Variants in CTNNA2 observed in about 807,000 individuals in gnomAD.
CTNNA2 encodes catenin alpha 2.
CTNNA2 carries 42 observed loss-of-function variants against 101.0 expected under a neutral mutation model. The ratio of observed to expected loss-of-function variants is 0.42; its 90% confidence interval spans 0.32 to 0.54. The LOEUF (loss-of-function observed/expected upper bound fraction) is 0.54. Among genes scored for constraint, CTNNA2 ranks in the 20% least tolerant of loss-of-function variants. CTNNA2 has a pLI of 0.14. For synonymous variants in CTNNA2, 450 were observed against 456.4 expected (o/e 0.99, Z 0.18); for missense variants, 871 against 1,223.1 (o/e 0.71, Z 4.29).
intron 4 of CTNNA2, among the ~76,000 whole-genome samples, chr2:79,443,579 C>T (rs1359943521): frequency 6.6e-6 from 1 of 152,026 alleles, no homozygotes; most frequent in Non-Finnish European, 1.5e-5. Flanking sequence ...GTCAAGTTGA[C>T]ACATGGAATT....
At chr2:79,586,082 G>C (rs959674040) in intron 1 of CTNNA2, among the ~76,000 whole-genome samples, 1 of 152,122 alleles carries the variant, frequency 6.6e-6, no homozygotes, top group Non-Finnish European at 1.5e-5. Context: ...CCCATGGAGG[G>C]AAATGGAACC....
chr2:80,262,011 GA>G (rs1394991602), intron 7 of CTNNA2, among the ~76,000 whole-genome samples: 1 of 152,046 alleles, frequency 6.6e-6, no homozygotes, highest in Non-Finnish European at 1.5e-5. Context: ...AGTGCAATAA[GA>G]AGTTAAATTT....
At position 79,393,898 on chromosome 2, in the gene CTNNA2, G is replaced by A. The variant is rs75000605; in HGVS notation, c.-135+19885G>A. On this transcript the variant is annotated intron_variant, in intron 4 of 21. Transcript: ENST00000466387. The stretch of plus-strand genomic sequence containing the variant: ...TGCAGGGCTGCCTAGACTCTCAGGC[G>A]CCACCTTCCCTGCTCAGGGTCATTT... 5.4e-3 allele frequency among the ~76,000 whole-genome samples: 818 copies of A among 152,154 alleles called. 3 individuals are homozygous for A. Among genetic ancestry groups the A allele is most frequent in the Non-Finnish European group, 8.8e-3 (597 of 67,998 alleles).
chr2:79,764,318 A>AT (rs1672992204), intron 3 of CTNNA2, among the ~76,000 whole-genome samples: 1 of 152,222 alleles, frequency 6.6e-6, no homozygotes, highest in Non-Finnish European at 1.5e-5. Flanking sequence ...TTTTAGCTGT[A>AT]TATTTCCTGT....
chr2:80,558,733 T>TG (rs371822484), intron 12 of CTNNA2, among the ~76,000 whole-genome samples: 107 of 151,962 alleles, frequency 7.0e-4, no homozygotes, highest in African/African-American at 1.4e-3. Context: ...AGGGTGGTAG[T>TG]GGGAAAAAAG....
At chr2:79,210,989 C>T (rs148733405) in intron 2 of CTNNA2, among the ~76,000 whole-genome samples, 7 of 152,254 alleles carry the variant, frequency 4.6e-5, no homozygotes, top group African/African-American at 1.7e-4. Context: ...CCCACAAACA[C>T]TAGAGGCTCT....
chr2:79,218,352 T>TGTGTGTG (rs1491322056), intron 2 of CTNNA2, among the ~76,000 whole-genome samples: 24 of 82,610 alleles, frequency 2.9e-4, no homozygotes, highest in Middle Eastern at 0.013. Flanking sequence ...TGTGTGTGTA[T>TGTGTGTG]TTTTTTTTTT....
chr2:80,220,591 C>T (rs2149053351), intron 7 of CTNNA2, among the ~76,000 whole-genome samples: 1 of 152,162 alleles, frequency 6.6e-6, no homozygotes, highest in East Asian at 1.9e-4. Flanking sequence ...AGAAAAGATT[C>T]CTTCTTTGGG....
chr2:79,417,123 G>A (rs1678493165), intron 4 of CTNNA2, among the ~76,000 whole-genome samples: 1 of 151,916 alleles, frequency 6.6e-6, no homozygotes, highest in African/African-American at 2.4e-5. Context: ...TGAGTGTATT[G>A]GACAGCACAA....
At chr2:79,602,512 C>T (rs910510747) in intron 1 of CTNNA2, among the ~76,000 whole-genome samples, 2 of 152,040 alleles carry the variant, frequency 1.3e-5, no homozygotes, top group Non-Finnish European at 2.9e-5. Flanking sequence ...ATATTCTGCA[C>T]ATGATAGTGA....
chr2:80,296,697 G>T (rs1675777208), intron 7 of CTNNA2, among the ~76,000 whole-genome samples: 1 of 152,158 alleles, frequency 6.6e-6, no homozygotes, highest in East Asian at 1.9e-4. Context: ...GTGGAGCAGG[G>T]TTTTTCAACT....
intron 7 of CTNNA2, among the ~76,000 whole-genome samples, chr2:80,101,745 G>A (rs1043426178): frequency 1.3e-5 from 2 of 152,164 alleles, no homozygotes; most frequent in Admixed American, 1.3e-4. Flanking sequence ...TGTGATCAGT[G>A]TGTATTTAAG....
At chr2:80,241,533 A>C (rs535322883) in intron 7 of CTNNA2, among the ~76,000 whole-genome samples, 3 of 152,112 alleles carry the variant, frequency 2.0e-5, no homozygotes, top group South Asian at 4.2e-4. Flanking sequence ...TGTATATAAA[A>C]TGCCATATAT....
At chr2:79,474,494 G>T (rs1286989273) in intron 4 of CTNNA2, among the ~76,000 whole-genome samples, 2 of 152,042 alleles carry the variant, frequency 1.3e-5, no homozygotes, top group Admixed American at 6.5e-5. Flanking sequence ...GAGTTAAAAA[G>T]GAAGCCTTGA....
At position 79,874,342 on chromosome 2, in the gene CTNNA2, C is replaced by T. The variant is rs764902612; in HGVS notation, c.852C>T (p.Asp284=). ...GELAAALNEF[D]NKIILDPMTF... is the part of the protein sequence containing the mutation. ...TGGCTGCGGCTCTTAATGAGTTTGA[C>T]GTAAGCATCCTGGTGAGGTACACAG... The change falls in exon 6 of 19, where the codon GAC becomes GAT. Residue 284 remains aspartate (D), a splice_region_variant and synonymous_variant. Transcript: ENST00000402739. The T allele has an allele frequency of 2.7e-5, 43 of 1,612,684 alleles. No individual in the cohort carries two copies. Among genetic ancestry groups the T allele is most frequent in the African/African-American group, 5.4e-5 (4 of 74,504 alleles).
chr2:79,470,213 T>C (rs926753477), intron 4 of CTNNA2, among the ~76,000 whole-genome samples: 2 of 152,190 alleles, frequency 1.3e-5, no homozygotes, highest in Non-Finnish European at 2.9e-5. Context: ...TAATTTATGA[T>C]ACAACACCAA....
intron 4 of CTNNA2, among the ~76,000 whole-genome samples, chr2:79,422,399 C>T (rs1678548993): frequency 6.6e-6 from 1 of 151,308 alleles, no homozygotes; most frequent in South Asian, 2.1e-4. Flanking sequence ...TGTGTAGAGC[C>T]CAGGCATGCT....
rs74479255 is a variant in CTNNA2 at position 79,326,312 on chromosome 2, A to G, written c.-318+13516A>G. ...CTAAACAAACAAGCAAAAAAAAAAA[A>G]AACCAGACATCTAGAGATAAGAGTA... On this transcript the variant is annotated intron_variant, in intron 3 of 21. Coordinates refer to the CTNNA2 transcript ENST00000466387. 1.0e-4 allele frequency among the ~76,000 whole-genome samples: 11 copies of G among 109,782 alleles called. 1 individual carries two copies. In the East Asian group the frequency reaches 1.1e-3, roughly 11 times the overall value. The allele number at this position is 109,782 out of a possible 152,430, so 72.0% of individuals were successfully genotyped here.
In CTNNA2 at chr2:80,151,152, C is replaced by T. The variant is rs561331988; in HGVS notation, c.1056+241355C>T. 9.8e-5 allele frequency among the ~76,000 whole-genome samples: 15 copies of T among 152,350 alleles called. No individual in the cohort carries two copies. In the South Asian group the frequency reaches 2.9e-3, roughly 29 times the overall value. On this transcript the variant is annotated intron_variant, in intron 7 of 18. Coordinates refer to ENST00000402739, the MANE Select transcript of CTNNA2 (RefSeq NM_001282597.3). The stretch of plus-strand genomic sequence containing the variant: ...AGTTTCGTCCCAGGCTCTGTGCCTT[C>T]AAGCAGCTCAGAAGCCTATGTTTCC...
Sources: allele counts gnomAD v4.1 joint callset (sites outside exome capture counted in the v4.1 genomes callset), GRCh38; gene constraint gnomAD v4.1.1; transcripts MANE v1.5; gene names NCBI Gene and HGNC (gene_info 2026-07-23, HGNC 2026-07-21).